The following DNAH14 variants were observed in gnomAD, a reference collection of about 807,000 sequenced individuals.
The protein encoded by DNAH14 is dynein axonemal heavy chain 14.
In DNAH14, 478 loss-of-function variants were observed where a neutral mutation model predicts 520.9. The ratio of observed to expected loss-of-function variants is 0.92; its 90% confidence interval spans 0.85 to 0.99. The LOEUF is 0.99. Among genes scored for constraint, DNAH14 ranks in the 50% least tolerant of loss-of-function variants. The pLI, the probability that DNAH14 is intolerant of heterozygous loss-of-function variation, is 0.00. For synonymous variants in DNAH14, 1,581 were observed against 1,757.2 expected (o/e 0.90, Z 2.51); for missense variants, 4,831 against 5,234.5 (o/e 0.92, Z 2.38).
intron 52 of DNAH14, among the ~76,000 whole-genome samples, chr1:225,273,718 C>T (rs1171200241): frequency 1.3e-5 from 2 of 152,168 alleles, no homozygotes; most frequent in African/African-American, 4.8e-5. Flanking sequence ...CAAGACTCCT[C>T]ATCCTTCTCC....
At chr1:225,049,353 A>G (rs1389254844) in intron 15 of DNAH14, among the ~76,000 whole-genome samples, 1 of 151,522 alleles carries the variant, frequency 6.6e-6, no homozygotes, top group Non-Finnish European at 1.5e-5. Context: ...GGGCCACCAC[A>G]CCCAGCACCT....
intron 23 of DNAH14, among the ~76,000 whole-genome samples, chr1:225,105,905 A>T (rs1484655546): frequency 6.6e-6 from 1 of 150,752 alleles, no homozygotes; most frequent in Admixed American, 6.6e-5. Flanking sequence ...TAATATCGTT[A>T]TGTGTGAATT....
At position 225,335,729 on chromosome 1, in the gene DNAH14, A is replaced by G. The variant is rs1424101360; in HGVS notation, c.10081-1537A>G. On this transcript the variant is annotated intron_variant, in intron 66 of 85. Coordinates refer to ENST00000682510, the MANE Select transcript of DNAH14 (RefSeq NM_001367479.1). ...TATATGTATATACGCATATATACAT[A>G]TGTGCATATATGTATATACGCATAT... Among the ~76,000 whole-genome samples the G allele has an allele frequency of 2.0e-5, 2 of 98,152 alleles. 1 individual carries two copies. Among genetic ancestry groups the G allele is most frequent in the Non-Finnish European group, 3.9e-5 (2 of 51,114 alleles). The allele number at this position is 98,152 out of a possible 152,430, so 64.4% of individuals were successfully genotyped here. A position where few individuals can be genotyped will look rare whatever the true frequency, so the allele number is the denominator to read the frequency against.
In DNAH14 at chr1:225,274,194, G is replaced by GTTTTTTTTTTTTTTTTTTT. The variant is rs1193834939; in HGVS notation, c.8010+1071_8010+1072insTTTTTTTTTTTTTTTTTTT. Reference sequence around the variant, plus strand: ...TTTCTCTGCATCCTCACCAGCATCTGTTATTTTTTTTTTTTTTTTTTTTTT... The same window carrying GTTTTTTTTTTTTTTTTTTT: ...TTTCTCTGCATCCTCACCAGCATCTGTTTTTTTTTTTTTTTTTTTTTATTTTTTTTTTTTTTTTTTTTTT... On this transcript the variant is annotated intron_variant, in intron 52 of 85. Transcript: ENST00000682510. 4.1e-4 allele frequency among the ~76,000 whole-genome samples: 49 copies of GTTTTTTTTTTTTTTTTTTT among 120,310 alleles called. 6 individuals are homozygous for GTTTTTTTTTTTTTTTTTTT. The highest frequency in any genetic ancestry group is 8.5e-4 in the African/African-American group (25 of 29,432). 78.9% of individuals were successfully genotyped at this position (120,310 alleles called of 152,430 possible).
chr1:225,184,204 A>ATC (rs1376062887), intron 36 of DNAH14, among the ~76,000 whole-genome samples: 1 of 152,222 alleles, frequency 6.6e-6, no homozygotes, highest in African/African-American at 2.4e-5. Flanking sequence ...AGCAAACTAA[A>ATC]TCCAGCAGGA....
intron 26 of DNAH14, among the ~76,000 whole-genome samples, chr1:225,120,208 C>T (rs1279499980): frequency 6.6e-6 from 1 of 152,132 alleles, no homozygotes; most frequent in Non-Finnish European, 1.5e-5. Flanking sequence ...GAGATGGAAT[C>T]ATAGCGGGGG....
At chr1:225,326,642 A>G (rs2094677824) in intron 64 of DNAH14, among the ~76,000 whole-genome samples, 1 of 152,226 alleles carries the variant, frequency 6.6e-6, no homozygotes, top group South Asian at 2.1e-4. Context: ...AGAAAGAAAA[A>G]AAAATTCTTC....
intron 41 of DNAH14, among the ~76,000 whole-genome samples, chr1:225,214,910 A>G (rs1218045648): frequency 6.6e-6 from 1 of 152,066 alleles, no homozygotes; most frequent in Non-Finnish European, 1.5e-5. Flanking sequence ...TATCTCCTTC[A>G]GTTCTGCTCT....
At chr1:225,234,971 T>A (rs993424728) in intron 42 of DNAH14, among the ~76,000 whole-genome samples, 2 of 152,194 alleles carry the variant, frequency 1.3e-5, no homozygotes, top group Non-Finnish European at 2.9e-5. Flanking sequence ...TTTCTAGATA[T>A]AGGATCATGT....
At chr1:225,055,817 A>G (rs1046495748) in intron 17 of DNAH14, among the ~76,000 whole-genome samples, 2 of 151,874 alleles carry the variant, frequency 1.3e-5, no homozygotes, top group Admixed American at 6.6e-5. Flanking sequence ...TAGTTTGCTG[A>G]GAATGATGGT....
intron 49 of DNAH14, among the ~76,000 whole-genome samples, chr1:225,270,216 GCAAGGACAGAAAAC>G (rs1359464724): frequency 6.7e-6 from 1 of 149,282 alleles, no homozygotes; most frequent in Non-Finnish European, 1.5e-5. Flanking sequence ...GCAAACTATC[GCAAGGACAGAAAAC>G]CAAACACCGC....
chr1:224,932,931 A>T (rs1378603626), intron 1 of DNAH14, among the ~76,000 whole-genome samples: 1 of 151,884 alleles, frequency 6.6e-6, no homozygotes, highest in Non-Finnish European at 1.5e-5. Flanking sequence ...TTTATTCCAT[A>T]TGAATTTGGG....
chr1:225,109,562 A>G (rs1439357997), intron 23 of DNAH14, among the ~76,000 whole-genome samples: 1 of 151,858 alleles, frequency 6.6e-6, no homozygotes, highest in Non-Finnish European at 1.5e-5. Context: ...TTGATTTTGT[A>G]TTCTGTAACT....
chr1:225,210,048 G>C (rs1005474580), intron 41 of DNAH14, among the ~76,000 whole-genome samples: 2 of 152,110 alleles, frequency 1.3e-5, no homozygotes, highest in African/African-American at 4.8e-5. Context: ...CAAGGGCCTT[G>C]GGTTTCAAGC....
intron 75 of DNAH14, 71 bp from the exon 76 acceptor site, chr1:225,364,721 T>A: frequency 8.9e-7 from 1 of 1,125,944 alleles, no homozygotes; most frequent in Non-Finnish European, 1.3e-6. Context: ...AACAGTGAAA[T>A]GCTATGATTC....
chr1:224,956,083 CT>C lies in DNAH14; in HGVS notation c.217+987del, dbSNP rs2060492264. Reference sequence around the variant, plus strand: ...TCTGCAATATTTTATTATTTGACCACTTATTTCCATTTTTCCCCCTTGACTT... The same window carrying C: ...TCTGCAATATTTTATTATTTGACCACTATTTCCATTTTTCCCCCTTGACTT... On this transcript the variant is annotated intron_variant, in intron 3 of 85. Coordinates refer to ENST00000682510, the MANE Select transcript of DNAH14 (RefSeq NM_001367479.1). Among the ~76,000 whole-genome samples, 7 of 152,092 alleles carry C rather than the reference CT, an allele frequency of 4.6e-5. No homozygotes were observed. The South Asian group carries it at 1.5e-3, about 32-fold the overall frequency.
At chr1:225,098,016 C>T (rs1374322937) in intron 22 of DNAH14, among the ~76,000 whole-genome samples, 1 of 152,042 alleles carries the variant, frequency 6.6e-6, no homozygotes, top group African/African-American at 2.4e-5. Context: ...CACAGGGAAA[C>T]CTCATGTCTT....
chr1:225,185,225 A>C, intron 36 of DNAH14, 66 bp from the exon 37 acceptor site: 3 of 1,462,164 alleles, frequency 2.1e-6, no homozygotes, highest in Non-Finnish European at 2.7e-6. Context: ...CAATGGATAT[A>C]GAGATATATT....
At chr1:224,937,282 C>T (rs952582419) in intron 1 of DNAH14, among the ~76,000 whole-genome samples, 1 of 151,906 alleles carries the variant, frequency 6.6e-6, no homozygotes, top group East Asian at 1.9e-4. Context: ...TTGCAAATGT[C>T]ATGATCTTAT....
Sources: gnomAD v4.1 joint callset for allele counts (sites outside exome capture counted in the v4.1 genomes callset) on GRCh38, gnomAD v4.1.1 for gene constraint, MANE v1.5 for transcripts, NCBI Gene and HGNC (gene_info 2026-07-23, HGNC 2026-07-21) for gene names.